MRPL4: variants seen among roughly 807,000 people sequenced by gnomAD.
The protein encoded by MRPL4 is mitochondrial ribosomal protein L4.
Under a neutral mutation model 34.1 loss-of-function variants are expected in MRPL4, and 34 were observed. The observed-to-expected ratio is 1.00, with a 90% CI of 0.76 to 1.33. MRPL4 has a LOEUF of 1.33. Ranked by LOEUF, MRPL4 falls within the 40% of genes most tolerant of loss-of-function variation. The pLI is 0.00. For synonymous variants in MRPL4, 196 were observed against 188.3 expected, an observed-to-expected ratio of 1.04 and a Z score of -0.33; for missense variants, 402 against 434.6, an observed-to-expected ratio of 0.92 and a Z score of 0.67.
intron 3 of MRPL4, among the ~76,000 whole-genome samples, chr19:10,254,340 T>C (rs1421317673): frequency 6.6e-6 from 1 of 152,172 alleles, no homozygotes; most frequent in Non-Finnish European, 1.5e-5. Context: ...CTTTAGAAGG[T>C]ACCTTTCAGC....
intron 1 of MRPL4, 27 bp downstream of exon 1, chr19:10,252,337 C>A (rs757263057): frequency 1.2e-6 from 2 of 1,612,664 alleles, no homozygotes; most frequent in East Asian, 4.5e-5. Context: ...GAGGCGTGGT[C>A]GAAGGATGAA....
At chr19:10,257,540 G>A (rs1038610091) in intron 5 of MRPL4, among the ~76,000 whole-genome samples, 2 of 152,046 alleles carry the variant, frequency 1.3e-5, no homozygotes, top group African/African-American at 2.4e-5. Flanking sequence ...ATGGCATGAG[G>A]GCAGGGACCA....
rs760711473 is a variant in MRPL4, at chr19:10,254,648, C to G, written c.327+8C>G. 6.2e-7 allele frequency: 1 copy of G among 1,613,664 alleles called. No individual in the cohort carries two copies. Among genetic ancestry groups the G allele is most frequent in the Non-Finnish European group, 8.5e-7 (1 of 1,179,796 alleles). On this transcript the variant is annotated splice_region_variant and intron_variant, in intron 4 of 8. Coordinates refer to ENST00000253099, the MANE Select transcript of MRPL4 (RefSeq NM_015956.3). ...AAGAACTTCAAGAGAATTGTGAGTG[C>G]CTAAATGGAGCAAGGTGGTGGGAAG...
intron 3 of MRPL4, 94 bp downstream of exon 3, chr19:10,252,795 A>G (rs2145465179): frequency 6.8e-7 from 1 of 1,480,312 alleles, no homozygotes; most frequent in Non-Finnish European, 9.1e-7. Context: ...CCCTTGGGAA[A>G]GTGCTGTATT....
intron 3 of MRPL4, among the ~76,000 whole-genome samples, chr19:10,253,485 A>AAG (rs1555702543): frequency 1.5e-4 from 22 of 150,374 alleles, no homozygotes; most frequent in South Asian, 6.3e-4. Context: ...AAAAAAAAAA[A>AAG]AAAGAAAGAA....
chr19:10,252,836 G>A (rs931888508), intron 3 of MRPL4, 135 bp downstream of exon 3: 1 of 1,244,332 alleles, frequency 8.0e-7, no homozygotes, highest in Non-Finnish European at 1.1e-6. Context: ...ACCTGTCAAA[G>A]GGGAATGATG....
In MRPL4 at chr19:10,259,882, C is replaced by T. The variant is rs545669034; in HGVS notation, c.*69C>T. The T allele has an allele frequency of 1.1e-4, 151 of 1,398,150 alleles. No homozygotes were observed. In the African/African-American group the frequency reaches 1.9e-3, roughly 18 times the overall value. The allele number at this position is 1,398,150 out of a possible 1,614,324, so 86.6% of individuals were successfully genotyped here. On this transcript the variant is annotated 3_prime_UTR_variant, in exon 9 of 9. Coordinates refer to ENST00000253099, the MANE Select transcript of MRPL4 (RefSeq NM_015956.3). ...TGGGAGCCTCAGGCCCACGCCCACC[C>T]TTCGAGGAAGGTGTCACCTGGACCC...
In MRPL4 at chr19:10,252,582, G is replaced by A; in HGVS notation, c.156G>A (p.Glu52=). 6.2e-7 allele frequency: 1 copy of A among 1,613,100 alleles called. No homozygotes were observed. Among genetic ancestry groups the A allele is most frequent in the African/African-American group, 1.3e-5 (1 of 75,030 alleles). Residue 52 remains glutamate (E), a synonymous_variant, in exon 3 of 9, where the codon GAG becomes GAA. Coordinates refer to ENST00000253099, the MANE Select transcript of MRPL4 (RefSeq NM_015956.3). The part of the protein sequence containing the change: ...GLPEPVLRKV[E]LPVPTHRRPV... The stretch of plus-strand genomic sequence containing the variant: ...CGGAGCCCGTGCTGCGCAAAGTCGA[G>A]CTCCCGGTACCCACTCATCGACGCC...
In MRPL4 at chr19:10,254,579, C is replaced by T; in HGVS notation, c.276-10C>T. The T allele has an allele frequency of 6.2e-7, 1 of 1,613,392 alleles. No individual in the cohort carries two copies. The highest frequency in any genetic ancestry group is 8.5e-7 in the Non-Finnish European group (1 of 1,179,518). On this transcript the variant is annotated splice_polypyrimidine_tract_variant and intron_variant, in intron 3 of 8. Coordinates refer to ENST00000253099, the MANE Select transcript of MRPL4 (RefSeq NM_015956.3). Reference sequence around the variant, plus strand: ...GAGTTGGGCTTCTCATGTGTCCTTCCTCCCCGCAGGCTGGACATACTGCAC... The same window carrying T: ...GAGTTGGGCTTCTCATGTGTCCTTCTTCCCCGCAGGCTGGACATACTGCAC...
intron 5 of MRPL4, among the ~76,000 whole-genome samples, chr19:10,257,951 A>G (rs2039867295): frequency 6.6e-6 from 1 of 151,846 alleles, no homozygotes; most frequent in African/African-American, 2.4e-5. Flanking sequence ...GGCTCAAGTG[A>G]TCCTCCATCC....
Position 10,259,823 on chromosome 19 carries a change from C to A in MRPL4, c.*10C>A. ...CCCGTACCACTGTTGATGTGAAGCACCTCTTCTGAGCCAGGCCGAGCCCCT... is the reference window on the plus strand; with the variant it reads ...CCCGTACCACTGTTGATGTGAAGCAACTCTTCTGAGCCAGGCCGAGCCCCT... On this transcript the variant is annotated 3_prime_UTR_variant, in exon 9 of 9. Transcript: ENST00000253099. The A allele has an allele frequency of 6.3e-7, 1 of 1,598,644 alleles. No homozygotes were observed. Among genetic ancestry groups the A allele is most frequent in the Non-Finnish European group, 8.6e-7 (1 of 1,169,142 alleles).
chr19:10,257,155 G>A (rs1426011620), intron 5 of MRPL4, among the ~76,000 whole-genome samples: 2 of 152,010 alleles, frequency 1.3e-5, no homozygotes, highest in Middle Eastern at 3.4e-3. Flanking sequence ...CTTCTAAATC[G>A]TGGAACCTGA....
chr19:10,259,071 C>A, intron 8 of MRPL4: 1 of 1,279,048 alleles, frequency 7.8e-7, no homozygotes, highest in Non-Finnish European at 9.8e-7. Context: ...TGCACCCAAA[C>A]CTGGGGAGAG....
intron 8 of MRPL4, 161 bp from the exon 9 acceptor site, chr19:10,259,455 GC>G: frequency 7.0e-7 from 1 of 1,431,278 alleles, no homozygotes; most frequent in Non-Finnish European, 9.1e-7. Context: ...CAGGCAACAA[GC>G]GGCCAGGCAG....
rs765006030 is a variant in MRPL4, at chr19:10,258,216, C to G, written c.446-6C>G. On this transcript the variant is annotated splice_polypyrimidine_tract_variant and splice_region_variant and intron_variant, in intron 5 of 8. Transcript: ENST00000253099. Reference sequence around the variant, plus strand: ...CCTACCTGCTCACATGCCTCTGTCCCCGCAGGAGGTGTTGCCCATGGCCCC... The same window carrying G: ...CCTACCTGCTCACATGCCTCTGTCCGCGCAGGAGGTGTTGCCCATGGCCCC... 6.2e-7 allele frequency: 1 copy of G among 1,607,170 alleles called. No individual in the cohort carries two copies. The highest frequency in any genetic ancestry group is 1.3e-5 in the African/African-American group (1 of 74,926).
At chr19:10,254,795 T>A (rs1306907354) in intron 4 of MRPL4, 155 bp downstream of exon 4, 1 of 648,652 alleles carries the variant, frequency 1.5e-6, no homozygotes, top group Non-Finnish European at 2.5e-6. Context: ...CATTTTTGGT[T>A]CTCTTTTTTT....
chr19:10,254,715 C>T (rs2145468280), intron 4 of MRPL4, 75 bp downstream of exon 4: 1 of 1,539,332 alleles, frequency 6.5e-7, no homozygotes, highest in Non-Finnish European at 9.0e-7. Flanking sequence ...AGAGGAAGCC[C>T]ATCGCTGGGT....
chr19:10,258,821 C>A, intron 8 of MRPL4, 136 bp downstream of exon 8: 2 of 1,594,208 alleles, frequency 1.3e-6, no homozygotes, highest in Non-Finnish European at 1.7e-6. Context: ...CTTCAGCTTG[C>A]CCAAAGCAAT....
At chr19:10,258,087 C>T (rs2039868164) in intron 5 of MRPL4, 135 bp from the exon 6 acceptor site, 4 of 634,238 alleles carry the variant, frequency 6.3e-6, no homozygotes. Context: ...CCAGCCTCCC[C>T]TGAGGCCCCA....
Sources: gnomAD v4.1 joint callset for allele counts (sites outside exome capture counted in the v4.1 genomes callset) on GRCh38, gnomAD v4.1.1 for gene constraint, MANE v1.5 for transcripts, NCBI Gene and HGNC (gene_info 2026-07-23, HGNC 2026-07-21) for gene names.